Variants in TMC3 observed in about 807,000 individuals in gnomAD.
The protein encoded by TMC3 is transmembrane channel-like protein 3.
Under a neutral mutation model 110.6 loss-of-function variants are expected in TMC3, and 98 were observed. The ratio of observed to expected loss-of-function variants is 0.89; its 90% CI spans 0.75 to 1.05. The LOEUF is 1.05. Among genes scored for constraint, TMC3 ranks in the 50% least tolerant of loss-of-function variants. The pLI, the probability that TMC3 is intolerant of heterozygous loss-of-function variation, is 0.00. For synonymous variants in TMC3, 489 were observed against 513.1 expected, an observed-to-expected ratio of 0.95 and a Z score of 0.63; for missense variants, 1,319 against 1,373.2, an observed-to-expected ratio of 0.96 and a Z score of 0.62.
intron 18 of TMC3, 26 bp downstream of exon 18, chr15:81,338,629 C>T: frequency 6.2e-7 from 1 of 1,607,786 alleles, no homozygotes; most frequent in Non-Finnish European, 8.5e-7. Context: ...AGAAGTCCCT[C>T]CAAAGCTGGC....
At chr15:81,341,125 C>A (rs745669669) in intron 16 of TMC3, among the ~76,000 whole-genome samples, 1 of 152,124 alleles carries the variant, frequency 6.6e-6, no homozygotes, top group Non-Finnish European at 1.5e-5. Flanking sequence ...TAAACATTTA[C>A]GATTTGTGTA....
chr15:81,341,608 A>G (rs1024483089), intron 15 of TMC3, 90 bp from the exon 16 acceptor site: 4 of 1,428,250 alleles, frequency 2.8e-6, no homozygotes, highest in Non-Finnish European at 2.8e-6. Context: ...CATGGTTCTG[A>G]CACTTTGGGG....
chr15:81,341,291 TG>T (rs1160431199), intron 16 of TMC3, 98 bp downstream of exon 16: 21 of 1,306,888 alleles, frequency 1.6e-5, no homozygotes, highest in Non-Finnish European at 2.0e-5. Flanking sequence ...GGAAGAGAGT[TG>T]GGGGGACCCT....
intron 9 of TMC3, among the ~76,000 whole-genome samples, chr15:81,353,302 C>G (rs1893991532): frequency 6.6e-6 from 1 of 152,052 alleles, no homozygotes; most frequent in South Asian, 2.1e-4. Flanking sequence ...TGACAGTAAA[C>G]TAAGATTAAT....
intron 12 of TMC3, 150 bp from the exon 13 acceptor site, chr15:81,345,161 T>A: frequency 7.3e-7 from 1 of 1,360,636 alleles, no homozygotes; most frequent in South Asian, 1.5e-5. Context: ...TTCTAGACCA[T>A]CACTTGACTA....
At chr15:81,366,465 T>A (rs1321905500) in intron 3 of TMC3, among the ~76,000 whole-genome samples, 1 of 152,200 alleles carries the variant, frequency 6.6e-6, no homozygotes, top group Non-Finnish European at 1.5e-5. Context: ...AAACTCTGCT[T>A]CTAATAATTC....
chr15:81,335,394 T>C (rs116750573), intron 20 of TMC3, among the ~76,000 whole-genome samples: 2,404 of 152,354 alleles, frequency 0.016, 73 homozygotes, highest in African/African-American at 0.056. Context: ...ACAATGCTAT[T>C]GTTATCCTGA....
In TMC3 at chr15:81,332,662, T is replaced by C. The variant is rs1893490864; in HGVS notation, c.3060A>G (p.Gln1020=). 3 of 1,613,836 alleles carry C rather than the reference T, an allele frequency of 1.9e-6. No homozygotes were observed. The highest frequency in any genetic ancestry group is 2.2e-5 in the South Asian group (2 of 91,074). ...VPRKPRSRNF[Q]YPQPPLKPRG... is the part of the protein sequence containing the mutation. The stretch of plus-strand genomic sequence containing the variant: ...TGGGCTTCAGAGGGGGCTGTGGGTA[T>C]TGGAAATTCCGGGATCGTGGCTTTC... Residue 1020 remains glutamine, a synonymous_variant, in exon 22 of 22, where the codon CAA becomes CAG. Coordinates refer to ENST00000359440, the MANE Select transcript of TMC3 (RefSeq NM_001080532.3).
intron 18 of TMC3, 45 bp from the exon 19 acceptor site, chr15:81,337,969 T>C (rs1307688761): frequency 6.7e-7 from 1 of 1,485,046 alleles, no homozygotes; most frequent in South Asian, 1.1e-5. Context: ...GCAACTCGCT[T>C]TTCTGCTTTT....
At chr15:81,351,904 A>G in intron 9 of TMC3, 63 bp from the exon 10 acceptor site, 1 of 1,567,954 alleles carries the variant, frequency 6.4e-7, no homozygotes, top group African/African-American at 1.4e-5. Context: ...CACGATGCAA[A>G]GACAACACTA....
chr15:81,359,343 G>A (rs779354289), intron 5 of TMC3, 22 bp downstream of exon 5: 3 of 1,532,366 alleles, frequency 2.0e-6, no homozygotes, highest in East Asian at 4.6e-5. Flanking sequence ...GTAATGAGTG[G>A]TACTTTCCTG....
At chr15:81,341,228 T>C (rs1405438636) in intron 16 of TMC3, among the ~76,000 whole-genome samples, 162 bp downstream of exon 16, 1 of 152,084 alleles carries the variant, frequency 6.6e-6, no homozygotes, top group Non-Finnish European at 1.5e-5. Flanking sequence ...GAGTAAGACA[T>C]TGGAAATGGC....
At chr15:81,372,846 G>C (rs1894466891) in intron 1 of TMC3, 109 bp from the exon 2 acceptor site, 1 of 1,086,342 alleles carries the variant, frequency 9.2e-7, no homozygotes, top group Non-Finnish European at 1.3e-6. Context: ...AGGGTCATCT[G>C]TATGAAATGT....
intron 3 of TMC3, 53 bp from the exon 4 acceptor site, chr15:81,362,354 G>A (rs1424397337): frequency 1.4e-6 from 2 of 1,417,174 alleles, no homozygotes; most frequent in Non-Finnish European, 2.0e-6. Flanking sequence ...GATGGCAATG[G>A]CTGTGCAGTA....
At chr15:81,337,097 G>C (rs7174400) in intron 19 of TMC3, among the ~76,000 whole-genome samples, 23,966 of 151,458 alleles carry the variant, frequency 0.16, 3,973 homozygotes, top group African/African-American at 0.43. Context: ...AGAAGTGGAA[G>C]GAGTTTTTTT....
rs763793417 is a variant in TMC3 at position 81,355,757 on chromosome 15, C to T, written c.903G>A (p.Leu301=). The change falls in exon 9 of 22, where the codon TTG becomes TTA. Residue 301 remains leucine (L), a synonymous_variant. Transcript: ENST00000359440. ...TGCTTTTCTTTTTCTCCTGTTCTTC[C>T]AATATAGCTTCCTTTAAGAAAAATA... ...AIVNSIREAI[L]EEQEKKKSKN... is the part of the protein sequence containing the mutation. 2 of 1,591,006 alleles carry T rather than the reference C, an allele frequency of 1.3e-6. No individual in the cohort carries two copies. The highest frequency in any genetic ancestry group is 2.3e-5 in the South Asian group (2 of 88,854).
rs147379244 is a variant in TMC3, at chr15:81,346,856, C to T, written c.1194-413G>A. On this transcript the variant is annotated intron_variant, in intron 11 of 21. Coordinates refer to ENST00000359440, the MANE Select transcript of TMC3 (RefSeq NM_001080532.3). The stretch of plus-strand genomic sequence containing the variant: ...TCTGTAATAATCCCCACTTAAGGGA[C>T]AAGTGTATTGAAGCGCAGAGGGAGC... Among the ~76,000 whole-genome samples the T allele has an allele frequency of 2.8e-3, 424 of 152,336 alleles. 2 individuals are homozygous for T. The highest frequency in any genetic ancestry group is 9.7e-3 in the African/African-American group (404 of 41,568).
chr15:81,344,616 T>C (rs1389913945), intron 13 of TMC3, 150 bp downstream of exon 13: 1 of 827,228 alleles, frequency 1.2e-6, no homozygotes, highest in Admixed American at 2.9e-5. Context: ...ACTGATTATT[T>C]TTCTTTTTTA....
At chr15:81,370,141 C>T (rs1894402329) in intron 2 of TMC3, among the ~76,000 whole-genome samples, 1 of 152,168 alleles carries the variant, frequency 6.6e-6, no homozygotes, top group Non-Finnish European at 1.5e-5. Flanking sequence ...GAACTGACCA[C>T]TTGCTTCCTA....
Sources: allele counts gnomAD v4.1 joint callset (sites outside exome capture counted in the v4.1 genomes callset), GRCh38; gene constraint gnomAD v4.1.1; transcripts MANE v1.5; gene names NCBI Gene and HGNC (gene_info 2026-07-23, HGNC 2026-07-21).